PPA2: variants seen among roughly 807,000 people sequenced by gnomAD.
PPA2 encodes the protein inorganic pyrophosphatase 2.
Under a neutral mutation model 49.5 loss-of-function variants are expected in PPA2, and 48 were observed. That is an observed-to-expected ratio of 0.97 (90% CI 0.77 to 1.23). The LOEUF is 1.23. PPA2 is among the 50% of genes most tolerant of loss of function. PPA2 has a pLI of 0.00. For synonymous variants in PPA2, 131 were observed against 139.9 expected (o/e 0.94, Z 0.45); for missense variants, 429 against 410.1 (o/e 1.05, Z -0.40).
chr4:105,440,147 A>G (rs1724279828), intron 5 of PPA2, among the ~76,000 whole-genome samples: 1 of 152,218 alleles, frequency 6.6e-6, no homozygotes, highest in Non-Finnish European at 1.5e-5. Context: ...GCGACAAGCT[A>G]GAAGTCCCAT....
intron 5 of PPA2, among the ~76,000 whole-genome samples, chr4:105,439,438 G>T (rs2636735): frequency 0.56 from 84,759 of 151,874 alleles, 23,730 homozygotes; most frequent in East Asian, 0.68. Context: ...AACTTTCCTA[G>T]AGAGGTTCTG....
At chr4:105,429,427 A>G (rs1723692459) in intron 6 of PPA2, among the ~76,000 whole-genome samples, 1 of 152,252 alleles carries the variant, frequency 6.6e-6, no homozygotes, top group Admixed American at 6.5e-5. Context: ...GCCTACCTGC[A>G]AAGTTTCATA....
intron 2 of PPA2, among the ~76,000 whole-genome samples, chr4:105,454,308 T>C (rs895325638): frequency 5.6e-3 from 202 of 35,970 alleles, no homozygotes; most frequent in African/African-American, 0.031. Flanking sequence ...GCTGCTGTTG[T>C]TGTTGTTGTT....
intron 5 of PPA2, among the ~76,000 whole-genome samples, chr4:105,440,449 G>C (rs1724300470): frequency 6.6e-6 from 1 of 152,102 alleles, no homozygotes; most frequent in African/African-American, 2.4e-5. Flanking sequence ...TTTTAGTATA[G>C]ACGGGTTTTC....
Position 105,372,102 on chromosome 4 carries a change from T to C in PPA2, c.940-1229A>G, listed in dbSNP as rs550217632. Among the ~76,000 whole-genome samples the C allele has an allele frequency of 2.6e-5, 4 of 152,316 alleles. No homozygotes were observed. The East Asian group carries it at 7.7e-4, about 29-fold the overall frequency. ...CTGGGGAGATGTGTAGCCTGGTTTC[T>C]ACACAGGCCCCAGAAACAGGCTTAA... is the stretch of plus-strand genomic sequence containing the variant. On this transcript the variant is annotated intron_variant, in intron 10 of 11. Coordinates refer to ENST00000341695, the MANE Select transcript of PPA2 (RefSeq NM_176869.3).
chr4:105,430,426 G>A (rs1166590685), intron 6 of PPA2, among the ~76,000 whole-genome samples: 1 of 152,154 alleles, frequency 6.6e-6, no homozygotes, highest in Non-Finnish European at 1.5e-5. Context: ...CTCTATATTA[G>A]GCACTGTGTA....
chr4:105,426,410 G>C (rs532813236), intron 6 of PPA2, among the ~76,000 whole-genome samples: 1 of 152,232 alleles, frequency 6.6e-6, no homozygotes, highest in Admixed American at 6.5e-5. Context: ...CCAGGGGTCA[G>C]GGGATTTCCC....
At chr4:105,408,077 A>G (rs1298565165) in intron 7 of PPA2, among the ~76,000 whole-genome samples, 1 of 109,448 alleles carries the variant, frequency 9.1e-6, no homozygotes, top group Middle Eastern at 4.2e-3. Flanking sequence ...ATAGGCGGGT[A>G]GATAAGGAAA....
chr4:105,400,073 T>C (rs2726455), intron 7 of PPA2, among the ~76,000 whole-genome samples: 91,281 of 151,846 alleles, frequency 0.6, 27,475 homozygotes, highest in East Asian at 0.68. Context: ...TCAGTTAACC[T>C]TTATTTTGCT....
chr4:105,392,633 A>T (rs1404793057), intron 9 of PPA2, among the ~76,000 whole-genome samples: 1 of 151,846 alleles, frequency 6.6e-6, no homozygotes, highest in African/African-American at 2.4e-5. Flanking sequence ...AGATTGCATC[A>T]CTGCACTCCA....
At chr4:105,396,681 A>G (rs919976298) in intron 8 of PPA2, among the ~76,000 whole-genome samples, 3 of 152,156 alleles carry the variant, frequency 2.0e-5, no homozygotes, top group Non-Finnish European at 4.4e-5. Flanking sequence ...CTGCTCTAGT[A>G]CTACGATAGC....
At chr4:105,370,727 T>C (rs1406356832) in intron 11 of PPA2, 110 bp downstream of exon 11, 11 of 1,229,138 alleles carry the variant, frequency 8.9e-6, no homozygotes, top group South Asian at 4.1e-5. Flanking sequence ...ACTTAGCTTA[T>C]ACAGCTTTTC....
chr4:105,454,338 TTG>T, intron 2 of PPA2, among the ~76,000 whole-genome samples: 1 of 150,158 alleles, frequency 6.7e-6, no homozygotes, highest in Non-Finnish European at 1.5e-5. Flanking sequence ...GTTGTTGTTG[TTG>T]TTTTTGAGAC....
intron 10 of PPA2, among the ~76,000 whole-genome samples, chr4:105,372,628 A>T (rs1733071660): frequency 6.6e-6 from 1 of 152,204 alleles, no homozygotes; most frequent in Admixed American, 6.5e-5. Flanking sequence ...GGAATTCTCC[A>T]GGAGACAGCC....
At chr4:105,452,429 G>A (rs144996718) in intron 3 of PPA2, among the ~76,000 whole-genome samples, 29 of 152,268 alleles carry the variant, frequency 1.9e-4, no homozygotes, top group African/African-American at 6.3e-4. Flanking sequence ...TAGAATACTT[G>A]TGAAATACCT....
chr4:105,382,986 G>C (rs146172578), intron 10 of PPA2, among the ~76,000 whole-genome samples: 166 of 144,134 alleles, frequency 1.2e-3, no homozygotes, highest in Non-Finnish European at 2.1e-3. Context: ...CTGGGCGGCA[G>C]AGCAAGACCC....
intron 7 of PPA2, among the ~76,000 whole-genome samples, chr4:105,413,822 G>A (rs1722874751): frequency 6.6e-6 from 1 of 152,070 alleles, no homozygotes; most frequent in African/African-American, 2.4e-5. Flanking sequence ...TGACCAAGAG[G>A]TAACAAATCT....
intron 6 of PPA2, among the ~76,000 whole-genome samples, chr4:105,427,803 A>C (rs1723595808): frequency 6.6e-6 from 1 of 152,234 alleles, no homozygotes; most frequent in Non-Finnish European, 1.5e-5. Context: ...GAACTTCCCC[A>C]ACCTAGCAAG....
intron 10 of PPA2, among the ~76,000 whole-genome samples, chr4:105,372,485 T>A (rs1436701676): frequency 6.6e-6 from 1 of 152,174 alleles, no homozygotes; most frequent in Non-Finnish European, 1.5e-5. Context: ...TTGGAGGGTG[T>A]TTTTAGATGA....
Sources: allele counts gnomAD v4.1 joint callset (sites outside exome capture counted in the v4.1 genomes callset), GRCh38; gene constraint gnomAD v4.1.1; transcripts MANE v1.5; gene names NCBI Gene and HGNC (gene_info 2026-07-23, HGNC 2026-07-21).